ABCA6: variants seen among roughly 807,000 people sequenced by gnomAD.
ABCA6 encodes ATP-binding cassette sub-family A member 6.
In ABCA6, 164 loss-of-function variants were observed where a neutral mutation model predicts 191.2. The observed-to-expected ratio is 0.86, with a 90% CI of 0.76 to 0.98. The LOEUF is 0.98. ABCA6 is among the 50% of genes least tolerant of loss of function. The probability of loss-of-function intolerance (pLI) is 0.00; values close to 1 mark genes in which losing one functional copy is unlikely to be tolerated. For missense variants in ABCA6, 1,958 were observed against 1,894.1 expected (o/e 1.03, Z -0.63); for synonymous variants, 636 against 647.7 (o/e 0.98, Z 0.27).
At chr17:69,116,314 A>G (rs1459098100) in intron 11 of ABCA6, among the ~76,000 whole-genome samples, 5 of 152,128 alleles carry the variant, frequency 3.3e-5, no homozygotes, top group Admixed American at 6.6e-5. Flanking sequence ...GTAAAATGGT[A>G]CATGTAAATC....
intron 27 of ABCA6, among the ~76,000 whole-genome samples, chr17:69,088,943 T>A (rs1263030302): frequency 6.6e-6 from 1 of 152,144 alleles, no homozygotes; most frequent in African/African-American, 2.4e-5. Flanking sequence ...TGACCACCCA[T>A]CTGACACCAC....
intron 19 of ABCA6, 158 bp downstream of exon 19, chr17:69,105,870 A>T: frequency 1.2e-6 from 1 of 829,972 alleles, no homozygotes; most frequent in Non-Finnish European, 1.8e-6. Flanking sequence ...ATCGAGTGTG[A>T]ACATACAGGT....
chr17:69,116,812 A>C lies in ABCA6; in HGVS notation c.1495+1086T>G, dbSNP rs192360699. 1.8e-3 allele frequency among the ~76,000 whole-genome samples: 279 copies of C among 152,234 alleles called. 1 individual carries two copies. The highest frequency in any genetic ancestry group is 6.5e-3 in the African/African-American group (269 of 41,576). On this transcript the variant is annotated intron_variant, in intron 11 of 38. Coordinates refer to ENST00000284425, the MANE Select transcript of ABCA6 (RefSeq NM_080284.3). ...ATTGCAACTTCTTCCCTGATTTCCCAAAGAGCAGCTATACTTGGTTTGAAT... is the reference window on the plus strand; with the variant it reads ...ATTGCAACTTCTTCCCTGATTTCCCCAAGAGCAGCTATACTTGGTTTGAAT...
chr17:69,139,556 A>T (rs1289295492), intron 2 of ABCA6, among the ~76,000 whole-genome samples: 1 of 152,156 alleles, frequency 6.6e-6, no homozygotes, highest in African/African-American at 2.4e-5. Flanking sequence ...TCAGGGATCT[A>T]GAACTAGAAA....
chr17:69,105,924 G>A (rs982110310), intron 19 of ABCA6, 104 bp downstream of exon 19: 181 of 1,254,534 alleles, frequency 1.4e-4, no homozygotes, highest in Middle Eastern at 2.0e-4. Flanking sequence ...TATCCACCCC[G>A]TGGCAGGAAT....
At chr17:69,113,191 ATGG>A (rs1568020066) in intron 15 of ABCA6, 28 bp downstream of exon 15, 1 of 1,582,040 alleles carries the variant, frequency 6.3e-7, no homozygotes, top group Admixed American at 2.0e-5. Context: ...CAATTGCATC[ATGG>A]TAACACTGAG....
Position 69,133,670 on chromosome 17 carries a change from T to C in ABCA6, c.762A>G (p.Lys254=). The change falls in exon 6 of 39, where the codon AAA becomes AAG. Residue 254 remains lysine (K), a synonymous_variant. Transcript: ENST00000284425. ...ATGCTGAATCTTGGAGACCCATCAT[T>C]TTCATCAAATTCTTAGACTTTTTTC... ...KERKKSKNLM[K]MMGLQDSAFW... is the part of the protein sequence containing the mutation. 2 of 1,602,840 alleles carry C rather than the reference T, an allele frequency of 1.2e-6. No individual in the cohort carries two copies. Among genetic ancestry groups the C allele is most frequent in the Non-Finnish European group, 1.7e-6 (2 of 1,172,048 alleles).
intron 2 of ABCA6, among the ~76,000 whole-genome samples, chr17:69,139,653 T>C (rs1345582172): frequency 2.0e-5 from 3 of 152,118 alleles, no homozygotes; most frequent in African/African-American, 7.2e-5. Context: ...CACATGTATG[T>C]TTACTGCGGC....
chr17:69,130,268 GATC>G (rs2073838766), intron 6 of ABCA6, among the ~76,000 whole-genome samples: 1 of 151,400 alleles, frequency 6.6e-6, no homozygotes, highest in Non-Finnish European at 1.5e-5. Flanking sequence ...AGTGAGCTGT[GATC>G]ATGCCACTGC....
In ABCA6 at chr17:69,106,192, C is replaced by G. The variant is rs140991258; in HGVS notation, c.2409G>C (p.Met803Ile). 776 of 1,612,150 alleles carry G rather than the reference C, an allele frequency of 4.8e-4. 2 individuals carry two copies. The African/African-American group carries it at 9.6e-3, about 20-fold the overall frequency. Residue 803 changes from methionine (M) to isoleucine (I), a missense_variant, in exon 19 of 39, where the codon ATG (methionine) becomes ATC (isoleucine). Physicochemically the swap from Met to Ile is conservative, Grantham distance 10 (BLOSUM62 1). Transcript: ENST00000284425. Reference sequence around the variant, plus strand: ...CATTGAGGCTTTCTGAGTCTCTTATCATCTCCACTTGTTCGAAATCTATAA... The same window carrying G: ...CATTGAGGCTTTCTGAGTCTCTTATGATCTCCACTTGTTCGAAATCTATAA... The part of the protein sequence containing the change: ...TIEQDFEQVE[M>I]IRDSESLNEM...
intron 22 of ABCA6, 53 bp downstream of exon 22, chr17:69,100,744 T>C: frequency 6.7e-7 from 1 of 1,494,118 alleles, no homozygotes; most frequent in Non-Finnish European, 9.0e-7. Flanking sequence ...AGAGAAAACA[T>C]AGGCTATTTG....
chr17:69,112,242 C>T lies in ABCA6; in HGVS notation c.2073G>A (p.Leu691=), dbSNP rs1353281932. The part of the protein sequence containing the change: ...DRKVIMSNGR[L]KCAGSSMFLK... ...AAAACATAGAAGAACCTGCACACTT[C>T]AGTCTCCCATTGGACATGATCACTT... Residue 691 remains leucine, a synonymous_variant, in exon 16 of 39, where the codon CTG becomes CTA. Transcript: ENST00000284425. 3 of 1,612,450 alleles carry T rather than the reference C, an allele frequency of 1.9e-6. No homozygotes were observed. The highest frequency in any genetic ancestry group is 2.5e-6 in the Non-Finnish European group (3 of 1,179,070).
Position 69,116,879 on chromosome 17 carries a change from ATTT to A in ABCA6, c.1495+1016_1495+1018del, listed in dbSNP as rs1313624761. Among the ~76,000 whole-genome samples, 5 of 152,198 alleles carry A rather than the reference ATTT, an allele frequency of 3.3e-5. No individual in the cohort carries two copies. The East Asian group carries it at 9.7e-4, about 29-fold the overall frequency. Reference sequence around the variant, plus strand: ...AATGTGTTGATGTCCAATGCTTTTAATTTTTTAAGGTGCTGCTATTTTTAAAAT... The same window carrying A: ...AATGTGTTGATGTCCAATGCTTTTAATTTAAGGTGCTGCTATTTTTAAAAT... On this transcript the variant is annotated intron_variant, in intron 11 of 38. Coordinates refer to ENST00000284425, the MANE Select transcript of ABCA6 (RefSeq NM_080284.3).
In ABCA6 at chr17:69,129,236, G is replaced by A. The variant is rs139091810; in HGVS notation, c.933+374C>T. Reference sequence around the variant, plus strand: ...AGTAAGTATGAGACAGAATATTAGAGGGAGAAGAGATATTGTGATCAGCTA... The same window carrying A: ...AGTAAGTATGAGACAGAATATTAGAAGGAGAAGAGATATTGTGATCAGCTA... On this transcript the variant is annotated intron_variant, in intron 7 of 38. Coordinates refer to ENST00000284425, the MANE Select transcript of ABCA6 (RefSeq NM_080284.3). 6.4e-3 allele frequency among the ~76,000 whole-genome samples: 970 copies of A among 152,212 alleles called. 10 individuals are homozygous for A. Among genetic ancestry groups the A allele is most frequent in the African/African-American group, 0.022 (913 of 41,534 alleles).
rs928608012 is a variant in ABCA6, at chr17:69,138,503, G to T, written c.97-1003C>A. On this transcript the variant is annotated intron_variant, in intron 2 of 38. Transcript: ENST00000284425. Reference sequence around the variant, plus strand: ...CATGGGTAGGAAGAATCAATATCGTGAAAATGGCCATACTGCCCAAGGTAA... The same window carrying T: ...CATGGGTAGGAAGAATCAATATCGTTAAAATGGCCATACTGCCCAAGGTAA... Among the ~76,000 whole-genome samples, 5 of 152,042 alleles carry T rather than the reference G, an allele frequency of 3.3e-5. No individual in the cohort carries two copies. The South Asian group carries it at 6.2e-4, about 19-fold the overall frequency.
At chr17:69,117,852 T>C in intron 11 of ABCA6, 46 bp downstream of exon 11, 1 of 1,379,462 alleles carries the variant, frequency 7.2e-7, no homozygotes. Flanking sequence ...TTTTTTATAA[T>C]AAAGAAAGAA....
At chr17:69,093,378 T>C (rs1019325413) in intron 25 of ABCA6, among the ~76,000 whole-genome samples, 3 of 152,220 alleles carry the variant, frequency 2.0e-5, no homozygotes, top group African/African-American at 7.2e-5. Context: ...ACATTAACCA[T>C]ATCTACTTCC....
At chr17:69,126,049 G>A (rs1245231030) in intron 8 of ABCA6, among the ~76,000 whole-genome samples, 1 of 152,004 alleles carries the variant, frequency 6.6e-6, no homozygotes, top group Non-Finnish European at 1.5e-5. Flanking sequence ...GTCCGGACCT[G>A]TGCAGGAAAG....
intron 14 of ABCA6, 74 bp from the exon 15 acceptor site, chr17:69,113,434 A>G: frequency 6.6e-7 from 1 of 1,525,376 alleles, no homozygotes; most frequent in South Asian, 1.2e-5. Flanking sequence ...CATGAAAAAC[A>G]ATAAATACCA....
Sources: allele counts gnomAD v4.1 joint callset (sites outside exome capture counted in the v4.1 genomes callset), GRCh38; gene constraint gnomAD v4.1.1; transcripts MANE v1.5; gene names NCBI Gene and HGNC (gene_info 2026-07-23, HGNC 2026-07-21).